Variants in SRSF9 observed in about 807,000 individuals in gnomAD.
SRSF9 encodes the protein serine and arginine rich splicing factor 9.
A neutral mutation model predicts 25.9 loss-of-function variants in SRSF9; 3 were observed. The observed-to-expected ratio is 0.12, with a 90% CI of 0.05 to 0.30. The LOEUF (loss-of-function observed/expected upper bound fraction) is 0.30, where lower values mean the gene tolerates loss of function less well. SRSF9 is among the 10% of genes least tolerant of loss of function. The pLI is 1.00. For missense variants in SRSF9, 161 were observed against 303.5 expected (o/e 0.53, Z 3.49); for synonymous variants, 114 against 113.2 (o/e 1.01, Z -0.05).
At position 120,462,022 on chromosome 12, in the gene SRSF9, G is replaced by A. The variant is rs1253624010; in HGVS notation, c.663C>T (p.Tyr221=). 1 of 1,608,386 alleles carries A rather than the reference G, an allele frequency of 6.2e-7. No homozygotes were observed. Among genetic ancestry groups the A allele is most frequent in the Non-Finnish European group, 8.5e-7 (1 of 1,178,004 alleles). ...GAAAAAATTCCCATCACCTGTCTCAGTAGGGCCTGAAAGGAGAGAAGTAGT... is the reference window on the plus strand; with the variant it reads ...GAAAAAATTCCCATCACCTGTCTCAATAGGGCCTGAAAGGAGAGAAGTAGT... ...SPHYFSPFRP[Y] is the part of the protein sequence containing the mutation. The change falls in exon 4 of 4, where the codon TAC becomes TAT. Residue 221 remains tyrosine (Y), a synonymous_variant. Transcript: ENST00000229390.
At position 120,469,279 on chromosome 12, in the gene SRSF9, C is replaced by CCCGTGAGGGGGCG. The variant is rs1878573136; in HGVS notation, c.188+130_188+142dup. 7.4e-6 allele frequency: 4 copies of CCCGTGAGGGGGCG among 538,976 alleles called. No homozygotes were observed. In the East Asian group the frequency reaches 1.0e-4, roughly 14 times the overall value. 33.4% of individuals were successfully genotyped at this position (538,976 alleles called of 1,614,324 possible). The stretch of plus-strand genomic sequence containing the variant: ...CGAGGAGAGGCTGCCTCATCCTCCA[C>CCCGTGAGGGGGCG]CCGTGAGGGGGCGCCGTGAGGGGTC... On this transcript the variant is annotated intron_variant, in intron 1 of 3. Coordinates refer to ENST00000229390, the MANE Select transcript of SRSF9 (RefSeq NM_003769.3).
intron 1 of SRSF9, among the ~76,000 whole-genome samples, chr12:120,467,369 C>A (rs1001077511): frequency 6.6e-6 from 1 of 152,092 alleles, no homozygotes; most frequent in Non-Finnish European, 1.5e-5. Flanking sequence ...GGCATGGCAT[C>A]GCGCAGCTGT....
In SRSF9 at chr12:120,469,577, C is replaced by G; in HGVS notation, c.33G>C (p.Glu11Asp). ...TCCCCACGTAGATGCGCCCGTCGCC[C>G]TCGCCGCCGCGCTCGTCCGCCCAGC... MSGWADERGG[E>D]GDGRIYVGNL... The change falls in exon 1 of 4, where the codon GAG becomes GAC. Residue 11 changes from glutamate (E) to aspartate (D), a missense_variant. Coordinates refer to ENST00000229390, the MANE Select transcript of SRSF9 (RefSeq NM_003769.3). 4.5e-6 allele frequency: 7 copies of G among 1,552,650 alleles called. No individual in the cohort carries two copies. The highest frequency in any genetic ancestry group is 6.1e-6 in the Non-Finnish European group (7 of 1,153,606).
At position 120,469,693 on chromosome 12, in the gene SRSF9, G is replaced by A. The variant is rs1231031124; in HGVS notation, c.-84C>T. On this transcript the variant is annotated 5_prime_UTR_variant, in exon 1 of 4. Coordinates refer to ENST00000229390, the MANE Select transcript of SRSF9 (RefSeq NM_003769.3). ...CGGGTCCCCCCGCAGCGTCCCCGCG[G>A]GCTCCGAGGCGCTCAGCCGCACTGC... The A allele has an allele frequency of 1.1e-6, 1 of 900,674 alleles. No homozygotes were observed. Among genetic ancestry groups the A allele is most frequent in the Non-Finnish European group, 1.4e-6 (1 of 702,328 alleles). The allele number at this position is 900,674 out of a possible 1,614,324, so 55.8% of individuals were successfully genotyped here. A position where few individuals can be genotyped will look rare whatever the true frequency, so the allele number is the denominator to read the frequency against.
In SRSF9 at chr12:120,463,960, C is replaced by T. The variant is rs374865867; in HGVS notation, c.512G>A (p.Arg171His). 14 of 1,609,056 alleles carry T rather than the reference C, an allele frequency of 8.7e-6. No individual in the cohort carries two copies. Among genetic ancestry groups the T allele is most frequent in the African/African-American group, 4.0e-5 (3 of 74,850 alleles). ...ALRKLDDTKF[R>H]SHEGETSYIR... is the part of the protein sequence containing the mutation. ...AAGGCAAGGACCCACCTCATGAGAG[C>T]GGAATTTGGTGTCATCCAGTTTACG... Residue 171 changes from arginine (R) to histidine (H), a missense_variant, in exon 3 of 4, where the codon CGC becomes CAC. Around this residue, in one of 3 missense-constraint regions of SRSF9, gnomAD observed 41 missense variants for 126.7 expected, o/e 0.32. Transcript: ENST00000229390.
In SRSF9 at chr12:120,466,380, G is replaced by C. The variant is rs561175403; in HGVS notation, c.189-593C>G. Among the ~76,000 whole-genome samples, 11 of 152,242 alleles carry C rather than the reference G, an allele frequency of 7.2e-5. No homozygotes were observed. In the South Asian group the frequency reaches 2.3e-3, roughly 32 times the overall value. On this transcript the variant is annotated intron_variant, in intron 1 of 3. Coordinates refer to ENST00000229390, the MANE Select transcript of SRSF9 (RefSeq NM_003769.3). ...GAAAAAAAAAGTAGCCAGTTAGATAGGAGAGTATTTGAGGGTAAATAAAGT... is the reference window on the plus strand; with the variant it reads ...GAAAAAAAAAGTAGCCAGTTAGATACGAGAGTATTTGAGGGTAAATAAAGT...
chr12:120,466,007 G>A (rs1475920614), intron 1 of SRSF9, among the ~76,000 whole-genome samples: 1 of 152,048 alleles, frequency 6.6e-6, no homozygotes, highest in Admixed American at 6.6e-5. Flanking sequence ...CAGTTTTAGA[G>A]GTATGAAATT....
At chr12:120,465,823 A>C (rs1430325343) in intron 1 of SRSF9, 36 bp from the exon 2 acceptor site, 3 of 1,558,456 alleles carry the variant, frequency 1.9e-6, no homozygotes, top group Non-Finnish European at 2.6e-6. Flanking sequence ...AAACGTTTGG[A>C]GTTAGTGCTG....
In SRSF9 at chr12:120,469,309, CGGA is replaced by C. The variant is rs1244787653; in HGVS notation, c.188+110_188+112del. On this transcript the variant is annotated intron_variant, in intron 1 of 3. Coordinates refer to ENST00000229390, the MANE Select transcript of SRSF9 (RefSeq NM_003769.3). ...GAGGGGGCGCCGTGAGGGGTCTGCG[CGGA>C]GGCGGGGGGAGGGGAGGCCGGGGGG... 7.7e-6 allele frequency: 5 copies of C among 650,780 alleles called. No homozygotes were observed. In the African/African-American group the frequency reaches 1.1e-4, roughly 14 times the overall value. The allele number at this position is 650,780 out of a possible 1,614,324, so 40.3% of individuals were successfully genotyped here. A position where few individuals can be genotyped will look rare whatever the true frequency, so the allele number is the denominator to read the frequency against.
intron 3 of SRSF9, chr12:120,463,129 A>G (rs1314740913): frequency 1.6e-5 from 1 of 64,280 alleles, no homozygotes. Context: ...ACAATGTCCA[A>G]CTGGTCTGGT....
chr12:120,466,879 T>G (rs78146063), intron 1 of SRSF9, among the ~76,000 whole-genome samples: 30 of 152,294 alleles, frequency 2.0e-4, no homozygotes, highest in African/African-American at 5.3e-4. Flanking sequence ...GGAGAACTAT[T>G]TTTGTCAAAA....
intron 1 of SRSF9, among the ~76,000 whole-genome samples, chr12:120,468,750 C>T (rs1878548527): frequency 6.6e-6 from 1 of 152,178 alleles, no homozygotes; most frequent in African/African-American, 2.4e-5. Context: ...CACAAGCACT[C>T]CTTAGAGCGG....
At chr12:120,467,937 A>G (rs1565917705) in intron 1 of SRSF9, among the ~76,000 whole-genome samples, 1 of 131,558 alleles carries the variant, frequency 7.6e-6, no homozygotes, top group Non-Finnish European at 1.6e-5. Context: ...TCTGCTGAAC[A>G]TAGAAAAATC....
chr12:120,463,866 G>T (rs759271026), intron 3 of SRSF9, 84 bp downstream of exon 3: 3 of 1,473,804 alleles, frequency 2.0e-6, no homozygotes, highest in Admixed American at 4.4e-5. Context: ...TTACCAAATG[G>T]CATGGCCTCT....
At chr12:120,465,266 G>T (rs1478171316) in intron 2 of SRSF9, 1 of 167,104 alleles carries the variant, frequency 6.0e-6, no homozygotes, top group African/African-American at 2.4e-5. Context: ...ATCCAAGGCT[G>T]GGTAAGTTGT....
In SRSF9 at chr12:120,469,699, G is replaced by T. The variant is rs919351574; in HGVS notation, c.-90C>A. On this transcript the variant is annotated 5_prime_UTR_variant, in exon 1 of 4. Coordinates refer to ENST00000229390, the MANE Select transcript of SRSF9 (RefSeq NM_003769.3). Reference sequence around the variant, plus strand: ...CCCCCGCAGCGTCCCCGCGGGCTCCGAGGCGCTCAGCCGCACTGCATTGTG... The same window carrying T: ...CCCCCGCAGCGTCCCCGCGGGCTCCTAGGCGCTCAGCCGCACTGCATTGTG... The T allele has an allele frequency of 6.0e-6, 5 of 836,138 alleles. No homozygotes were observed. Among genetic ancestry groups the T allele is most frequent in the Non-Finnish European group, 7.8e-6 (5 of 644,998 alleles). The allele number at this position is 836,138 out of a possible 1,614,324, so 51.8% of individuals were successfully genotyped here. A position where few individuals can be genotyped will look rare whatever the true frequency, so the allele number is the denominator to read the frequency against.
chr12:120,468,377 G>C (rs1300337818), intron 1 of SRSF9, among the ~76,000 whole-genome samples: 1 of 152,210 alleles, frequency 6.6e-6, no homozygotes. Flanking sequence ...AAATAAGCGA[G>C]GCATAGCCTT....
At chr12:120,465,427 C>T (rs547698523) in intron 2 of SRSF9, 200 bp downstream of exon 2, 12 of 469,474 alleles carry the variant, frequency 2.6e-5, no homozygotes, top group Admixed American at 4.5e-5. Flanking sequence ...TTATGTTCTT[C>T]CAAGGCTGCA....
rs1878424470 is a variant in SRSF9, at chr12:120,463,930, A to G, written c.522+20T>C. ...GGAGTGATTTGAGTACAAGCTCCTCAACAGAAGGCAAGGACCCACCTCATG... is the reference window on the plus strand; with the variant it reads ...GGAGTGATTTGAGTACAAGCTCCTCGACAGAAGGCAAGGACCCACCTCATG... On this transcript the variant is annotated intron_variant, in intron 3 of 3. Transcript: ENST00000229390. The G allele has an allele frequency of 1.3e-6, 2 of 1,587,574 alleles. No homozygotes were observed. The highest frequency in any genetic ancestry group is 1.3e-5 in the African/African-American group (1 of 74,342).
Sources: allele counts gnomAD v4.1 joint callset (sites outside exome capture counted in the v4.1 genomes callset), GRCh38; gene constraint gnomAD v4.1.1; regional missense constraint gnomAD v4.1.1; transcripts MANE v1.5; gene names NCBI Gene and HGNC (gene_info 2026-07-23, HGNC 2026-07-21).